Variants in WWOX observed in about 807,000 individuals in gnomAD.
WWOX encodes WW domain-containing oxidoreductase.
A neutral mutation model predicts 46.2 loss-of-function variants in WWOX; 69 were observed. That is an observed-to-expected ratio of 1.49 (90% confidence interval 1.23 to 1.82). The LOEUF (loss-of-function observed/expected upper bound fraction) is 1.82, where lower values mean the gene tolerates loss of function less well. Among genes scored for constraint, WWOX ranks in the 40% most tolerant of loss-of-function variants. The pLI is 0.00. For synonymous variants in WWOX, 359 were observed against 202.6 expected, an observed-to-expected ratio of 1.77 and a Z score of -6.56; for missense variants, 919 against 542.6, an observed-to-expected ratio of 1.69 and a Z score of -6.89.
chr16:79,105,776 C>T (rs1375109238), intron 8 of WWOX, among the ~76,000 whole-genome samples: 1 of 151,948 alleles, frequency 6.6e-6, no homozygotes, highest in Non-Finnish European at 1.5e-5. Context: ...AATCCTCCCA[C>T]CTCATCCTCC....
At chr16:78,870,712 C>G (rs535979062) in intron 8 of WWOX, among the ~76,000 whole-genome samples, 2 of 152,284 alleles carry the variant, frequency 1.3e-5, no homozygotes, top group African/African-American at 4.8e-5. Flanking sequence ...AGCAATTCTC[C>G]TGCCTCAGTC....
chr16:78,808,342 G>C (rs980297985), intron 8 of WWOX, among the ~76,000 whole-genome samples: 1 of 152,188 alleles, frequency 6.6e-6, no homozygotes, highest in Non-Finnish European at 1.5e-5. Flanking sequence ...TATGCTGCAA[G>C]TATTTTATTC....
intron 8 of WWOX, among the ~76,000 whole-genome samples, chr16:78,680,423 A>C (rs2047701837): frequency 6.6e-6 from 1 of 151,882 alleles, no homozygotes; most frequent in South Asian, 2.1e-4. Flanking sequence ...AGTCCTAGCT[A>C]CTCGGGAGGC....
intron 5 of WWOX, among the ~76,000 whole-genome samples, chr16:78,288,890 GA>G (rs1231017723): frequency 2.6e-5 from 4 of 152,112 alleles, no homozygotes; most frequent in Non-Finnish European, 5.9e-5. Context: ...GGAAGAAGAA[GA>G]AAAAATCATC....
intron 8 of WWOX, among the ~76,000 whole-genome samples, chr16:78,987,595 A>G (rs1413700758): frequency 2.0e-5 from 3 of 152,208 alleles, no homozygotes; most frequent in Non-Finnish European, 2.9e-5. Context: ...AGACCTCTTC[A>G]AGGACTTTCC....
At chr16:78,177,379 A>G (rs2035385458) in intron 5 of WWOX, among the ~76,000 whole-genome samples, 1 of 152,168 alleles carries the variant, frequency 6.6e-6, no homozygotes, top group African/African-American at 2.4e-5. Flanking sequence ...GATACCCCTA[A>G]ACTGTCATCG....
chr16:78,317,898 A>T (rs1009375599), intron 5 of WWOX, among the ~76,000 whole-genome samples: 14 of 152,212 alleles, frequency 9.2e-5, no homozygotes, highest in Non-Finnish European at 1.5e-4. Flanking sequence ...CTGTTTTAGA[A>T]GACATTGCTA....
chr16:78,554,487 A>C (rs757868248), intron 8 of WWOX, among the ~76,000 whole-genome samples: 52 of 152,204 alleles, frequency 3.4e-4, no homozygotes, highest in Non-Finnish European at 5.3e-4. Context: ...GAAGTGATAG[A>C]TATAGATACA....
chr16:78,979,278 C>CAAT (rs973883383), intron 8 of WWOX, among the ~76,000 whole-genome samples: 6 of 152,094 alleles, frequency 3.9e-5, no homozygotes, highest in African/African-American at 1.4e-4. Context: ...CCAGAGATAA[C>CAAT]GCCTGTGTTT....
intron 8 of WWOX, among the ~76,000 whole-genome samples, chr16:78,598,036 C>T (rs957687441): frequency 6.6e-6 from 1 of 152,072 alleles, no homozygotes; most frequent in African/African-American, 2.4e-5. Flanking sequence ...GGTCTATGTC[C>T]AGCTCCACTA....
intron 8 of WWOX, among the ~76,000 whole-genome samples, chr16:79,020,950 A>C (rs1483092406): frequency 2.6e-5 from 4 of 152,054 alleles, no homozygotes; most frequent in African/African-American, 9.7e-5. Context: ...AGCTAAGGGG[A>C]TTCTTGACAT....
At chr16:78,952,020 C>A (rs1039820262) in intron 8 of WWOX, among the ~76,000 whole-genome samples, 4 of 152,164 alleles carry the variant, frequency 2.6e-5, no homozygotes, top group Admixed American at 2.6e-4. Context: ...TAAACCACAG[C>A]AATGATTTTA....
At chr16:78,383,223 C>G (rs2081992708) in intron 5 of WWOX, among the ~76,000 whole-genome samples, 2 of 151,910 alleles carry the variant, frequency 1.3e-5, no homozygotes, top group African/African-American at 4.8e-5. Context: ...AGGTGACATC[C>G]CAGTAATGAC....
At chr16:78,244,814 G>A (rs2151822966) in intron 5 of WWOX, among the ~76,000 whole-genome samples, 1 of 152,130 alleles carries the variant, frequency 6.6e-6, no homozygotes, top group East Asian at 1.9e-4. Flanking sequence ...AAAAAAAAGT[G>A]TTTTCTTTCC....
intron 8 of WWOX, among the ~76,000 whole-genome samples, chr16:78,964,695 C>T (rs1030799154): frequency 1.1e-4 from 16 of 152,216 alleles, no homozygotes; most frequent in Non-Finnish European, 1.9e-4. Context: ...ATCTCGAAGA[C>T]CATGAGGAAA....
intron 5 of WWOX, among the ~76,000 whole-genome samples, chr16:78,347,254 T>C (rs1232981311): frequency 1.7e-5 from 2 of 114,918 alleles, no homozygotes; most frequent in Non-Finnish European, 4.1e-5. Context: ...CCCACAATTC[T>C]GTTGTTGACC....
chr16:78,816,662 T>C (rs2142729204), intron 8 of WWOX, among the ~76,000 whole-genome samples: 1 of 151,588 alleles, frequency 6.6e-6, no homozygotes, highest in South Asian at 2.1e-4. Context: ...CACAACCAAA[T>C]TGTAGTACAA....
intron 8 of WWOX, among the ~76,000 whole-genome samples, chr16:79,152,779 G>A (rs1397222498): frequency 6.6e-6 from 1 of 152,158 alleles, no homozygotes; most frequent in Non-Finnish European, 1.5e-5. Context: ...CTGCAGTGCA[G>A]CTAACATCTA....
intron 4 of WWOX, among the ~76,000 whole-genome samples, chr16:78,162,834 C>T (rs1465007369): frequency 6.6e-6 from 1 of 151,720 alleles, no homozygotes; most frequent in Non-Finnish European, 1.5e-5. Context: ...TTTTTGTTAA[C>T]TTATTTTGTA....
Sources: allele counts gnomAD v4.1 joint callset (sites outside exome capture counted in the v4.1 genomes callset), GRCh38; gene constraint gnomAD v4.1.1; transcripts MANE v1.5; gene names NCBI Gene and HGNC (gene_info 2026-07-23, HGNC 2026-07-21).